CDH12: variants seen among roughly 807,000 people sequenced by gnomAD.
CDH12 encodes cadherin-12.
A neutral mutation model predicts 74.1 loss-of-function variants in CDH12; 41 were observed. The ratio of observed to expected loss-of-function variants is 0.55; its 90% CI spans 0.43 to 0.72. The LOEUF (loss-of-function observed/expected upper bound fraction) is 0.72. CDH12 is among the 30% of genes least tolerant of loss of function. The pLI is 0.00. For synonymous variants in CDH12, 399 were observed against 355.0 expected (o/e 1.12, Z -1.39); for missense variants, 945 against 977.2 (o/e 0.97, Z 0.44).
At chr5:22,468,582 T>G (rs550365169) in intron 2 of CDH12, among the ~76,000 whole-genome samples, 1 of 152,192 alleles carries the variant, frequency 6.6e-6, no homozygotes, top group Admixed American at 6.5e-5. Context: ...TATAAAAACA[T>G]TGTATACTAA....
At chr5:22,459,884 T>C (rs966306521) in intron 2 of CDH12, among the ~76,000 whole-genome samples, 5 of 152,062 alleles carry the variant, frequency 3.3e-5, no homozygotes, top group African/African-American at 1.2e-4. Context: ...AAGAATCGCT[T>C]GAACCCAGGA....
intron 4 of CDH12, among the ~76,000 whole-genome samples, chr5:22,202,038 C>G (rs994529559): frequency 6.6e-6 from 1 of 152,014 alleles, no homozygotes; most frequent in Admixed American, 6.6e-5. Flanking sequence ...CTTACTGAGA[C>G]GGTAAAGAGA....
intron 1 of CDH12, among the ~76,000 whole-genome samples, chr5:22,796,089 C>T (rs1748192685): frequency 6.6e-6 from 1 of 152,050 alleles, no homozygotes; most frequent in East Asian, 1.9e-4. Flanking sequence ...TAAATCTATT[C>T]ACTTATTGAT....
At position 22,476,460 on chromosome 5, in the gene CDH12, A is replaced by C. The variant is rs149305720; in HGVS notation, c.-428+28810T>G. Among the ~76,000 whole-genome samples, 1,229 of 152,216 alleles carry C rather than the reference A, an allele frequency of 8.1e-3. 11 individuals carry two copies. Among genetic ancestry groups the C allele is most frequent in the Non-Finnish European group, 0.011 (714 of 67,962 alleles). On this transcript the variant is annotated intron_variant, in intron 2 of 14. Transcript: ENST00000382254. ...TTTAGGAAACTTATGGGTATCACAC[A>C]TTTTGTGCAGTAATCAGGTCTCCTC... is the stretch of plus-strand genomic sequence containing the variant.
At position 21,939,065 on chromosome 5, in the gene CDH12, A is replaced by G. The variant is rs560820403; in HGVS notation, c.526+36026T>C. Among the ~76,000 whole-genome samples the G allele has an allele frequency of 5.7e-4, 87 of 151,864 alleles. 1 individual carries two copies. Among genetic ancestry groups the G allele is most frequent in the African/African-American group, 1.9e-3 (79 of 41,496 alleles). On this transcript the variant is annotated intron_variant, in intron 6 of 14. Transcript: ENST00000382254. The stretch of plus-strand genomic sequence containing the variant: ...TAATGGGGATATAGACAAGTAAAGT[A>G]CAACATACACATGTTATAGAAAAAA...
intron 3 of CDH12, among the ~76,000 whole-genome samples, chr5:22,355,181 C>T (rs574713010): frequency 2.6e-4 from 40 of 152,044 alleles, no homozygotes; most frequent in African/African-American, 9.4e-4. Flanking sequence ...ACTGTCATTA[C>T]TAAACAAATT....
chr5:22,770,975 C>CA lies in CDH12; in HGVS notation c.-523+82082_-523+82083insT, dbSNP rs528659916. 3.2e-3 allele frequency among the ~76,000 whole-genome samples: 487 copies of CA among 152,132 alleles called. 3 individuals carry two copies. Among genetic ancestry groups the CA allele is most frequent in the African/African-American group, 0.011 (459 of 41,534 alleles). ...TGCAAAATGCATACACTGTACCACG[C>CA]TAAGTTATAATGTTTATCAAAAATT... On this transcript the variant is annotated intron_variant, in intron 1 of 14. Coordinates refer to ENST00000382254, the MANE Select transcript of CDH12 (RefSeq NM_004061.5).
At chr5:22,358,886 T>A (rs1740677964) in intron 3 of CDH12, among the ~76,000 whole-genome samples, 1 of 152,192 alleles carries the variant, frequency 6.6e-6, no homozygotes, top group South Asian at 2.1e-4. Flanking sequence ...GCTGTTTAAT[T>A]CATATCAGAA....
Position 22,052,655 on chromosome 5 carries a change from A to T in CDH12, c.231+25791T>A, listed in dbSNP as rs74965730. 6.0e-3 allele frequency among the ~76,000 whole-genome samples: 907 copies of T among 152,172 alleles called. 6 individuals carry two copies. The highest frequency in any genetic ancestry group is 0.021 in the African/African-American group (870 of 41,538). ...CCTTAATCAACAAATTGTATTAAAA[A>T]CTTGTTTTGACAAATGGTATAGGCA... On this transcript the variant is annotated intron_variant, in intron 5 of 14. Transcript: ENST00000382254.
chr5:21,772,816 C>T (rs188577880), intron 11 of CDH12, among the ~76,000 whole-genome samples: 9 of 152,130 alleles, frequency 5.9e-5, no homozygotes, highest in African/African-American at 2.2e-4. Flanking sequence ...AAATTTCAAC[C>T]TTTAGGTGAA....
At chr5:22,600,630 CT>C (rs1390763315) in intron 1 of CDH12, among the ~76,000 whole-genome samples, 6 of 152,022 alleles carry the variant, frequency 3.9e-5, no homozygotes, top group Admixed American at 3.9e-4. Context: ...TTTCCCTCCT[CT>C]TATAAATATG....
At chr5:21,900,176 A>G (rs1323988674) in intron 6 of CDH12, among the ~76,000 whole-genome samples, 7 of 152,180 alleles carry the variant, frequency 4.6e-5, no homozygotes, top group Non-Finnish European at 1.0e-4. Context: ...TAAAGTATAC[A>G]TTCATGAATC....
intron 8 of CDH12, among the ~76,000 whole-genome samples, chr5:21,820,231 T>C (rs1236312301): frequency 2.6e-5 from 4 of 152,018 alleles, no homozygotes; most frequent in Non-Finnish European, 5.9e-5. Context: ...ATGGGGCTAG[T>C]CACAATAAAT....
chr5:22,645,119 T>A (rs1169950087), intron 1 of CDH12, among the ~76,000 whole-genome samples: 1 of 152,106 alleles, frequency 6.6e-6, no homozygotes, highest in South Asian at 2.1e-4. Context: ...TAGTATTATT[T>A]AAGAAATACA....
chr5:22,297,536 A>T (rs1737684647), intron 3 of CDH12, among the ~76,000 whole-genome samples: 2 of 152,198 alleles, frequency 1.3e-5, no homozygotes, highest in Admixed American at 1.3e-4. Flanking sequence ...CCTTGATAGG[A>T]ACTATTTTAC....
chr5:21,852,905 A>T (rs1002345245), intron 7 of CDH12, among the ~76,000 whole-genome samples: 6 of 151,542 alleles, frequency 4.0e-5, no homozygotes, highest in African/African-American at 1.4e-4. Context: ...CCTCAAAAGG[A>T]TACATAACTA....
intron 2 of CDH12, among the ~76,000 whole-genome samples, chr5:22,437,579 T>C (rs572055252): frequency 8.6e-6 from 1 of 115,832 alleles, no homozygotes; most frequent in Non-Finnish European, 1.8e-5. Flanking sequence ...ATAAAAATAA[T>C]TCCAAGGTAA....
chr5:22,544,235 C>T (rs1241693885), intron 1 of CDH12, among the ~76,000 whole-genome samples: 1 of 151,904 alleles, frequency 6.6e-6, no homozygotes, highest in Non-Finnish European at 1.5e-5. Context: ...TGAAATTAGA[C>T]CATGTTCACA....
chr5:21,885,892 T>C (rs932000546), intron 6 of CDH12, among the ~76,000 whole-genome samples: 1 of 152,180 alleles, frequency 6.6e-6, no homozygotes, highest in Non-Finnish European at 1.5e-5. Context: ...CTCTGTTCTC[T>C]TCATGTCACC....
Sources: allele counts gnomAD v4.1 joint callset (sites outside exome capture counted in the v4.1 genomes callset), GRCh38; gene constraint gnomAD v4.1.1; transcripts MANE v1.5; gene names NCBI Gene and HGNC (gene_info 2026-07-23, HGNC 2026-07-21).